Variants in MGST1 observed in about 807,000 individuals in gnomAD.
MGST1 encodes the protein microsomal glutathione S-transferase 1.
Under a neutral mutation model 8.9 loss-of-function variants are expected in MGST1, and 5 were observed. The observed-to-expected ratio is 0.56, with a 90% CI of 0.29 to 1.19. The LOEUF (loss-of-function observed/expected upper bound fraction) is 1.19, where lower values mean the gene tolerates loss of function less well. Among genes scored for constraint, MGST1 ranks in the 50% most tolerant of loss-of-function variants. The pLI is 0.08. For missense variants in MGST1, 182 were observed against 187.4 expected (o/e 0.97, Z 0.17); for synonymous variants, 54 against 67.8 (o/e 0.80, Z 1.00).
rs551035519 is a variant in MGST1 at position 16,504,754 on chromosome 12, C to G, written n.483-84774C>G. Reference sequence around the variant, plus strand: ...CAATTACCTTTCTCCTTAGTTGTCTCCCTTTTAATTACAAATACATTCAAG... The same window carrying G: ...CAATTACCTTTCTCCTTAGTTGTCTGCCTTTTAATTACAAATACATTCAAG... On this transcript the variant is annotated intron_variant and non_coding_transcript_variant, in intron 4 of 4. Coordinates refer to the MGST1 transcript ENST00000538857. Among the ~76,000 whole-genome samples, 15 of 152,250 alleles carry G rather than the reference C, an allele frequency of 9.9e-5. No individual in the cohort carries two copies. In the East Asian group the frequency reaches 2.7e-3, roughly 27 times the overall value.
Position 16,542,095 on chromosome 12 carries a change from A to G in MGST1, n.483-47433A>G, listed in dbSNP as rs530070439. ...TGGTCCACCTCTAGTTTTCATTTGC[A>G]TTTTTCAGGCAAGAGGAAGGAAACA... On this transcript the variant is annotated intron_variant and non_coding_transcript_variant, in intron 4 of 4. Coordinates refer to the MGST1 transcript ENST00000538857. 1.6e-4 allele frequency among the ~76,000 whole-genome samples: 25 copies of G among 152,140 alleles called. No individual in the cohort carries two copies. The South Asian group carries it at 5.2e-3, about 32-fold the overall frequency.
rs1455756773 is a variant in MGST1 at position 16,559,493 on chromosome 12, C to G, written n.483-30035C>G. Among the ~76,000 whole-genome samples, 1 of 152,122 alleles carries G rather than the reference C, an allele frequency of 6.6e-6. No homozygotes were observed. The highest frequency in any genetic ancestry group is 2.4e-5 in the African/African-American group (1 of 41,412). The stretch of plus-strand genomic sequence containing the variant: ...ATCGCACAGCTTATTAGTGGCAGAG[C>G]CCATATTAGAATTTAGGTTTCCAGG... On this transcript the variant is annotated intron_variant and non_coding_transcript_variant, in intron 4 of 4. Coordinates refer to the MGST1 transcript ENST00000538857. This position sits in a 1 kb window ranked among gnomAD's most constrained non-coding sequence, Gnocchi z 4.1.
intron 3 of MGST1, among the ~76,000 whole-genome samples, chr12:16,359,218 C>T (rs958967070): frequency 3.9e-5 from 6 of 152,158 alleles, no homozygotes; most frequent in Non-Finnish European, 5.9e-5. Flanking sequence ...GAATATGCCC[C>T]GTACCTGTAC....
chr12:16,420,718 G>C (rs571442864), intron 1 of MGST1, among the ~76,000 whole-genome samples: 7 of 152,208 alleles, frequency 4.6e-5, no homozygotes, highest in Non-Finnish European at 8.8e-5. Flanking sequence ...TATAGGAAGC[G>C]GGGGTGATCT....
At chr12:16,479,054 A>G (rs1368398586) in intron 4 of MGST1, among the ~76,000 whole-genome samples, 1 of 152,032 alleles carries the variant, frequency 6.6e-6, no homozygotes, top group Non-Finnish European at 1.5e-5. Context: ...GAAATCATAC[A>G]GTACGTGATG....
intron 4 of MGST1, among the ~76,000 whole-genome samples, chr12:16,543,145 G>A (rs1941802152): frequency 6.6e-6 from 1 of 152,132 alleles, no homozygotes; most frequent in Non-Finnish European, 1.5e-5. Context: ...ACATGGCTGA[G>A]AATCTGACAT....
intron 3 of MGST1, among the ~76,000 whole-genome samples, chr12:16,374,268 G>T (rs1368079343): frequency 6.6e-6 from 1 of 151,962 alleles, no homozygotes; most frequent in Non-Finnish European, 1.5e-5. Flanking sequence ...TTTTTCCTGG[G>T]ACATTTATGC....
exon 4 of MGST1, chr12:16,376,357 A>G (rs1940380419): frequency 4.9e-6 from 2 of 407,410 alleles, no homozygotes; most frequent in Non-Finnish European, 8.7e-6. Context: ...GAAGTACCCA[A>G]TACCATCTAT....
intron 1 of MGST1, among the ~76,000 whole-genome samples, chr12:16,395,804 T>TATATATATAC (rs1338860243): frequency 8.1e-6 from 1 of 123,696 alleles, no homozygotes; most frequent in Admixed American, 8.2e-5. Context: ...TATATATATA[T>TATATATATAC]ACACACACAC....
chr12:16,447,287 T>A (rs982419591), intron 4 of MGST1, among the ~76,000 whole-genome samples: 5 of 151,930 alleles, frequency 3.3e-5, no homozygotes, highest in Non-Finnish European at 7.4e-5. Context: ...TGGCTAATCA[T>A]TGAAGCTCTT....
In MGST1 at chr12:16,511,258, T is replaced by C. The variant is rs117141473; in HGVS notation, n.483-78270T>C. On this transcript the variant is annotated intron_variant and non_coding_transcript_variant, in intron 4 of 4. Transcript: ENST00000538857. ...TAACTGCCAGCAGCAAAGTTATATA[T>C]ATATTCCATGGCCTTGAATTTGAGT... is the stretch of plus-strand genomic sequence containing the variant. 9.2e-3 allele frequency among the ~76,000 whole-genome samples: 1,404 copies of C among 152,378 alleles called. 11 individuals are homozygous for C. Among genetic ancestry groups the C allele is most frequent in the Non-Finnish European group, 0.014 (979 of 68,026 alleles).
chr12:16,527,827 T>A (rs904796594), intron 4 of MGST1, among the ~76,000 whole-genome samples: 3 of 152,006 alleles, frequency 2.0e-5, no homozygotes, highest in Non-Finnish European at 4.4e-5. Flanking sequence ...GAAACTGAAG[T>A]AGCCTTTATT....
intron 4 of MGST1, among the ~76,000 whole-genome samples, chr12:16,533,001 CAT>C (rs1445661760): frequency 3.9e-5 from 6 of 152,054 alleles, no homozygotes; most frequent in Non-Finnish European, 8.8e-5. Context: ...CTAAGGAAAA[CAT>C]GTGAGCATAG....
intron 4 of MGST1, among the ~76,000 whole-genome samples, chr12:16,471,820 A>T (rs539693762): frequency 3.2e-4 from 48 of 152,284 alleles, no homozygotes; most frequent in Middle Eastern, 3.4e-3. Context: ...TGTGGAAAAA[A>T]TATTACAGCA....
At chr12:16,449,461 C>T (rs11834889) in intron 4 of MGST1, among the ~76,000 whole-genome samples, 2,323 of 151,930 alleles carry the variant, frequency 0.015, 56 homozygotes, top group African/African-American at 0.053. Flanking sequence ...AGACAGGACC[C>T]CCACTCAAAC....
chr12:16,465,571 C>A (rs957657489), intron 4 of MGST1, among the ~76,000 whole-genome samples: 1 of 152,140 alleles, frequency 6.6e-6, no homozygotes, highest in Non-Finnish European at 1.5e-5. Flanking sequence ...CGTGACGGAT[C>A]TAGGTTGCAC....
chr12:16,539,873 CA>C (rs1241322529), intron 4 of MGST1, among the ~76,000 whole-genome samples: 1 of 152,144 alleles, frequency 6.6e-6, no homozygotes, highest in African/African-American at 2.4e-5. Context: ...ATAAAATAAA[CA>C]AGGCCCTTCA....
chr12:16,380,647 T>C (rs1290244139), downstream of MGST1, among the ~76,000 whole-genome samples: 1 of 152,202 alleles, frequency 6.6e-6, no homozygotes, highest in Non-Finnish European at 1.5e-5. Context: ...GTTCTGTAGA[T>C]GTCTATTAGG....
chr12:16,385,239 TGAAAA>T (rs1442191254), intron 1 of MGST1, among the ~76,000 whole-genome samples: 1 of 152,226 alleles, frequency 6.6e-6, no homozygotes, highest in Non-Finnish European at 1.5e-5. Context: ...AGGAGAATCT[TGAAAA>T]GAGAAATTTT....
Sources: gnomAD v4.1 joint callset for allele counts (sites outside exome capture counted in the v4.1 genomes callset) on GRCh38, gnomAD v4.1.1 for gene constraint, Gnocchi (gnomAD v3.1) non-coding constraint, MANE v1.5 for transcripts, NCBI Gene and HGNC (gene_info 2026-07-23, HGNC 2026-07-21) for gene names.